PRKAR1B: variants seen among roughly 807,000 people sequenced by gnomAD.
The protein encoded by PRKAR1B is protein kinase cAMP-dependent type I regulatory subunit beta.
A neutral mutation model predicts 46.5 loss-of-function variants in PRKAR1B; 22 were observed. The observed-to-expected ratio is 0.47, with a 90% CI of 0.34 to 0.68. The LOEUF is 0.68. Ranked by LOEUF, PRKAR1B falls within the 30% of genes least tolerant of loss-of-function variation. The pLI, the probability that PRKAR1B is intolerant of heterozygous loss-of-function variation, is 0.01. For synonymous variants in PRKAR1B, 259 were observed against 217.7 expected (o/e 1.19, Z -1.67); for missense variants, 445 against 535.6 (o/e 0.83, Z 1.67).
At chr7:670,177 A>G (rs1786155452) in intron 4 of PRKAR1B, among the ~76,000 whole-genome samples, 1 of 152,020 alleles carries the variant, frequency 6.6e-6, no homozygotes, top group South Asian at 2.1e-4. Flanking sequence ...CCCACGTGCC[A>G]TTTTTTTAGG....
intron 1 of PRKAR1B, among the ~76,000 whole-genome samples, chr7:724,984 G>T (rs950271729): frequency 1.3e-4 from 20 of 152,234 alleles, no homozygotes; most frequent in African/African-American, 4.6e-4. Flanking sequence ...GGAGGCTGAG[G>T]CGGGCGGATC....
At position 645,808 on chromosome 7, in the gene PRKAR1B, G is replaced by T. The variant is rs114700357; in HGVS notation, c.440+31421C>A. Among the ~76,000 whole-genome samples, 382 of 152,214 alleles carry T rather than the reference G, an allele frequency of 2.5e-3. 1 individual carries two copies. Among genetic ancestry groups the T allele is most frequent in the African/African-American group, 8.8e-3 (365 of 41,554 alleles). Reference sequence around the variant, plus strand: ...GGGGACCGTGAGGTCAGCATGCGGGGGTGCTCCCTGAGCCCCAGGGAGTAC... The same window carrying T: ...GGGGACCGTGAGGTCAGCATGCGGGTGTGCTCCCTGAGCCCCAGGGAGTAC... On this transcript the variant is annotated intron_variant, in intron 4 of 10. Transcript: ENST00000537384.
At chr7:561,322 C>G (rs1245392678) in intron 9 of PRKAR1B, among the ~76,000 whole-genome samples, 1 of 152,226 alleles carries the variant, frequency 6.6e-6, no homozygotes, top group Non-Finnish European at 1.5e-5. Flanking sequence ...GCCCCTGCCT[C>G]TAAAGCACTC....
At chr7:627,914 C>T (rs1192747335) in intron 4 of PRKAR1B, among the ~76,000 whole-genome samples, 1 of 152,172 alleles carries the variant, frequency 6.6e-6, no homozygotes, top group Non-Finnish European at 1.5e-5. Context: ...ATGGGGCACA[C>T]ACAGCCCCTG....
intron 4 of PRKAR1B, among the ~76,000 whole-genome samples, chr7:627,414 C>A (rs1329392296): frequency 6.6e-6 from 1 of 152,198 alleles, no homozygotes; most frequent in Non-Finnish European, 1.5e-5. Context: ...TTTTACAACA[C>A]CCATTTTACA....
chr7:569,642 T>C (rs1017924742), intron 9 of PRKAR1B, among the ~76,000 whole-genome samples: 12 of 152,032 alleles, frequency 7.9e-5, no homozygotes, highest in South Asian at 4.2e-4. Flanking sequence ...GACCTGTGTG[T>C]CCCTCTCGGT....
intron 2 of PRKAR1B, among the ~76,000 whole-genome samples, chr7:697,876 A>G (rs1159221662): frequency 6.4e-5 from 9 of 140,050 alleles, no homozygotes; most frequent in Non-Finnish European, 1.1e-4. Context: ...AAGGCGAAGG[A>G]AAGGAGAAAA....
upstream of PRKAR1B, among the ~76,000 whole-genome samples, chr7:728,474 C>G (rs1037404186): frequency 4.6e-5 from 7 of 152,094 alleles, no homozygotes; most frequent in East Asian, 1.9e-4. Flanking sequence ...AGAGGAAGAG[C>G]TGGACTTGGG....
At chr7:659,995 G>A (rs1269771206) in intron 4 of PRKAR1B, among the ~76,000 whole-genome samples, 1 of 152,078 alleles carries the variant, frequency 6.6e-6, no homozygotes, top group Non-Finnish European at 1.5e-5. Context: ...CTTGAGGCAC[G>A]AGGAGCCAGT....
rs112130056 is a variant in PRKAR1B, at chr7:593,653, CA to C, written c.708+2492del. 3.7e-4 allele frequency among the ~76,000 whole-genome samples: 57 copies of C among 152,274 alleles called. 2 individuals are homozygous for C. The highest frequency in any genetic ancestry group is 1.3e-3 in the African/African-American group (54 of 41,568). ...GCCCCAAAACCGCTCCAGCCCCTCTCAGGGGGAGGGTGTCTCAGGGGACCCC... is the reference window on the plus strand; with the variant it reads ...GCCCCAAAACCGCTCCAGCCCCTCTCGGGGGAGGGTGTCTCAGGGGACCCC... On this transcript the variant is annotated intron_variant, in intron 7 of 10. Transcript: ENST00000537384. The surrounding 1 kb of genome is among the most constrained non-coding windows in gnomAD (Gnocchi z 6.1).
chr7:576,489 G>C (rs1233858170), intron 9 of PRKAR1B, among the ~76,000 whole-genome samples: 1 of 152,160 alleles, frequency 6.6e-6, no homozygotes, highest in Non-Finnish European at 1.5e-5. Flanking sequence ...TGTACTTTTA[G>C]GTTGGAGACA....
intron 4 of PRKAR1B, among the ~76,000 whole-genome samples, chr7:639,732 G>A (rs11543853): frequency 0.16 from 24,519 of 152,064 alleles, 2,223 homozygotes; most frequent in South Asian, 0.3. Context: ...GTGCAAGCAT[G>A]TAGTCCCAGC....
At chr7:568,922 T>C (rs979319057) in intron 9 of PRKAR1B, among the ~76,000 whole-genome samples, 4 of 147,822 alleles carry the variant, frequency 2.7e-5, no homozygotes, top group Non-Finnish European at 6.0e-5. Flanking sequence ...ATGTCTGCAA[T>C]GGAAAGCCGG....
chr7:675,166 C>G lies in PRKAR1B; in HGVS notation c.440+2063G>C, dbSNP rs117081304. 9.1e-3 allele frequency among the ~76,000 whole-genome samples: 1,387 copies of G among 152,350 alleles called. 19 individuals are homozygous for G. The highest frequency in any genetic ancestry group is 0.057 in the East Asian group (294 of 5,180). On this transcript the variant is annotated intron_variant, in intron 4 of 10. Transcript: ENST00000537384. ...CGTGACCTTGGCAAAGGCAGCAGTT[C>G]ATAAACTCTGATTCATTCTTACAAT... is the stretch of plus-strand genomic sequence containing the variant.
At chr7:612,830 G>T (rs546717371) in intron 4 of PRKAR1B, among the ~76,000 whole-genome samples, 3 of 152,070 alleles carry the variant, frequency 2.0e-5, no homozygotes, top group East Asian at 1.9e-4. Context: ...AGCAACAGAG[G>T]CTTTATTAAA....
At chr7:671,755 C>T (rs1302833318) in intron 4 of PRKAR1B, among the ~76,000 whole-genome samples, 1 of 152,174 alleles carries the variant, frequency 6.6e-6, no homozygotes, top group Non-Finnish European at 1.5e-5. Flanking sequence ...GGCCCCAGCA[C>T]CCCCACAGGC....
intron 9 of PRKAR1B, 74 bp downstream of exon 9, chr7:579,182 T>C: frequency 6.2e-7 from 1 of 1,609,404 alleles, no homozygotes; most frequent in Non-Finnish European, 8.5e-7. Flanking sequence ...AGGCGGGCAG[T>C]GGAAGAGGAG....
Position 666,008 on chromosome 7 carries a change from G to A in PRKAR1B, c.440+11221C>T, listed in dbSNP as rs1388228955. On this transcript the variant is annotated intron_variant, in intron 4 of 10. Coordinates refer to ENST00000537384, the MANE Select transcript of PRKAR1B (RefSeq NM_001164760.2). The surrounding 1 kb of genome is among the most constrained non-coding windows in gnomAD (Gnocchi z 4.9). ...CCAGGAAGGCCGCCTCAAGGGTGAGGTGCCCTCGCCTGTGCCCGTCTGGCA... is the reference window on the plus strand; with the variant it reads ...CCAGGAAGGCCGCCTCAAGGGTGAGATGCCCTCGCCTGTGCCCGTCTGGCA... Among the ~76,000 whole-genome samples, 1 of 152,232 alleles carries A rather than the reference G, an allele frequency of 6.6e-6. No homozygotes were observed. Among genetic ancestry groups the A allele is most frequent in the African/African-American group, 2.4e-5 (1 of 41,456 alleles).
chr7:718,364 CT>C (rs149912001), intron 1 of PRKAR1B, among the ~76,000 whole-genome samples: 20,233 of 138,534 alleles, frequency 0.15, 1,744 homozygotes, highest in Middle Eastern at 0.29. Flanking sequence ...CTGCTTCAGC[CT>C]TTTTTTTTTT....
Sources: gnomAD v4.1 joint callset for allele counts (sites outside exome capture counted in the v4.1 genomes callset) on GRCh38, gnomAD v4.1.1 for gene constraint, Gnocchi (gnomAD v3.1) non-coding constraint, MANE v1.5 for transcripts, NCBI Gene and HGNC (gene_info 2026-07-23, HGNC 2026-07-21) for gene names.